Variants in INIP observed in about 807,000 individuals in gnomAD.
INIP encodes SOSS complex subunit C.
A neutral mutation model predicts 14.0 loss-of-function variants in INIP; 9 were observed. The ratio of observed to expected loss-of-function variants is 0.64; its 90% CI spans 0.39 to 1.12. INIP has a LOEUF of 1.12. Among genes scored for constraint, INIP ranks in the 50% most tolerant of loss-of-function variants. INIP has a pLI of 0.01. For missense variants in INIP, 78 were observed against 122.7 expected, an observed-to-expected ratio of 0.64 and a Z score of 1.72; for synonymous variants, 37 against 41.5, an observed-to-expected ratio of 0.89 and a Z score of 0.41.
Position 112,689,639 on chromosome 9 carries a change from C to T in INIP, c.129-22G>A, listed in dbSNP as rs369452598. 135 of 1,584,546 alleles carry T rather than the reference C, an allele frequency of 8.5e-5. No homozygotes were observed. The African/African-American group carries it at 1.7e-3, about 19-fold the overall frequency. ...AATGCTAAAATGGGAATCTTGGTTACTCAGCTGCTTAAGGCAGAAACATCC... is the reference window on the plus strand; with the variant it reads ...AATGCTAAAATGGGAATCTTGGTTATTCAGCTGCTTAAGGCAGAAACATCC... On this transcript the variant is annotated intron_variant, in intron 3 of 4. Coordinates refer to ENST00000374242, the MANE Select transcript of INIP (RefSeq NM_021218.3).
chr9:112,715,133 TACACACACACACACACACAC>T (rs58647648), intron 2 of INIP, among the ~76,000 whole-genome samples: 13 of 133,432 alleles, frequency 9.7e-5, no homozygotes, highest in Non-Finnish European at 1.3e-4. Context: ...CATACATACA[TACACACACACACACACACAC>T]ACACACACAC....
rs543867093 is a variant in INIP, at chr9:112,700,592, C to T, written c.26-6359G>A. ...TATAATATAAAGAATATTATATAAACATAACTACTACAATTTTTAGGCATT... is the reference window on the plus strand; with the variant it reads ...TATAATATAAAGAATATTATATAAATATAACTACTACAATTTTTAGGCATT... On this transcript the variant is annotated intron_variant, in intron 2 of 4. Transcript: ENST00000374242. Among the ~76,000 whole-genome samples the T allele has an allele frequency of 3.4e-3, 508 of 147,342 alleles. 2 individuals are homozygous for T. The highest frequency in any genetic ancestry group is 0.012 in the African/African-American group (468 of 40,432).
intron 2 of INIP, among the ~76,000 whole-genome samples, chr9:112,708,562 G>C (rs1006274602): frequency 1.3e-5 from 2 of 152,162 alleles, no homozygotes; most frequent in Non-Finnish European, 2.9e-5. Context: ...AGTTAAATAT[G>C]CATTAGTTTT....
At chr9:112,692,020 A>C (rs910768486) in intron 3 of INIP, among the ~76,000 whole-genome samples, 2 of 151,558 alleles carry the variant, frequency 1.3e-5, no homozygotes, top group Admixed American at 1.3e-4. Context: ...AAAAAGAAAA[A>C]AGAAAAAAAA....
At chr9:112,691,131 A>C (rs1415713857) in intron 3 of INIP, among the ~76,000 whole-genome samples, 1 of 152,234 alleles carries the variant, frequency 6.6e-6, no homozygotes, top group Non-Finnish European at 1.5e-5. Flanking sequence ...ACTCTGAAGC[A>C]GTTATAATAA....
chr9:112,697,051 A>G (rs562703371), intron 2 of INIP, among the ~76,000 whole-genome samples: 11 of 152,298 alleles, frequency 7.2e-5, no homozygotes, highest in African/African-American at 1.7e-4. Flanking sequence ...GGAGGTCAGT[A>G]GGTGGGACTG....
chr9:112,709,405 G>C (rs958999344), intron 2 of INIP, among the ~76,000 whole-genome samples: 7 of 151,976 alleles, frequency 4.6e-5, no homozygotes, highest in African/African-American at 2.4e-5. Context: ...TAAGGAACGT[G>C]GGACATGGAA....
At chr9:112,707,730 T>A (rs1216730515) in intron 2 of INIP, among the ~76,000 whole-genome samples, 2 of 152,174 alleles carry the variant, frequency 1.3e-5, no homozygotes, top group Non-Finnish European at 2.9e-5. Flanking sequence ...TACTACACTT[T>A]CATAACAATA....
Position 112,684,375 on chromosome 9 carries a change from T to G in INIP, c.*3163A>C, listed in dbSNP as rs1167217871. On this transcript the variant is annotated 3_prime_UTR_variant, in exon 5 of 5. Coordinates refer to ENST00000374242, the MANE Select transcript of INIP (RefSeq NM_021218.3). Reference sequence around the variant, plus strand: ...GCCTGGGCAACATAGCAAGATGCTGTCTCTACAAAAATTAAAAAAAAAAAA... The same window carrying G: ...GCCTGGGCAACATAGCAAGATGCTGGCTCTACAAAAATTAAAAAAAAAAAA... The G allele has an allele frequency of 1.3e-5, 2 of 150,872 alleles. No homozygotes were observed. The highest frequency in any genetic ancestry group is 2.9e-5 in the Non-Finnish European group (2 of 67,818). 9.3% of individuals were successfully genotyped at this position (150,872 alleles called of 1,614,324 possible).
rs1283788340 is a variant in INIP at position 112,684,785 on chromosome 9, G to A, written c.*2753C>T. 1 of 152,180 alleles carries A rather than the reference G, an allele frequency of 6.6e-6. No homozygotes were observed. Among genetic ancestry groups the A allele is most frequent in the Non-Finnish European group, 1.5e-5 (1 of 68,032 alleles). 9.4% of individuals were successfully genotyped at this position (152,180 alleles called of 1,614,324 possible). On this transcript the variant is annotated 3_prime_UTR_variant, in exon 5 of 5. Transcript: ENST00000374242. ...CTAGACAATTTCTGACATGGGCAGA[G>A]CATGTGCTTGTTCTCACCTTATGGA...
intron 4 of INIP, among the ~76,000 whole-genome samples, chr9:112,689,280 A>G (rs188372794): frequency 6.6e-6 from 1 of 152,358 alleles, no homozygotes; most frequent in African/African-American, 2.4e-5. Context: ...CTTGTGCACA[A>G]GCAATCCCTT....
At chr9:112,698,362 T>C (rs1014759048) in intron 2 of INIP, among the ~76,000 whole-genome samples, 4 of 151,250 alleles carry the variant, frequency 2.6e-5, no homozygotes, top group Non-Finnish European at 5.9e-5. Flanking sequence ...TGAAAGGCTC[T>C]TTCCAGCTCC....
At chr9:112,690,797 G>C (rs1837859516) in intron 3 of INIP, among the ~76,000 whole-genome samples, 1 of 152,160 alleles carries the variant, frequency 6.6e-6, no homozygotes, top group African/African-American at 2.4e-5. Flanking sequence ...CTTACAAATG[G>C]GACACACCAT....
rs1299993820 is a variant in INIP at position 112,685,004 on chromosome 9, T to TA, written c.*2533dup. 1 of 152,260 alleles carries TA rather than the reference T, an allele frequency of 6.6e-6. No homozygotes were observed. The highest frequency in any genetic ancestry group is 2.4e-5 in the African/African-American group (1 of 41,436). The allele number at this position is 152,260 out of a possible 1,614,324, so 9.4% of individuals were successfully genotyped here. On this transcript the variant is annotated 3_prime_UTR_variant, in exon 5 of 5. Coordinates refer to ENST00000374242, the MANE Select transcript of INIP (RefSeq NM_021218.3). ...AGCAGCTCTTCCTTCCCTTGTCAGG[T>TA]AAAAATCACATGAATACTTCTAAGC...
intron 2 of INIP, among the ~76,000 whole-genome samples, chr9:112,714,197 GGT>G (rs1208385759): frequency 4.6e-5 from 7 of 152,226 alleles, no homozygotes; most frequent in African/African-American, 1.7e-4. Flanking sequence ...CAGACAGTAT[GGT>G]CAATGAAAGA....
At chr9:112,689,856 G>A (rs1252035810) in intron 3 of INIP, among the ~76,000 whole-genome samples, 2 of 152,086 alleles carry the variant, frequency 1.3e-5, no homozygotes, top group African/African-American at 4.8e-5. Flanking sequence ...GAACATTTAA[G>A]ATCTCTTAGC....
chr9:112,717,822 G>A (rs2131324556), intron 1 of INIP, among the ~76,000 whole-genome samples, 165 bp downstream of exon 1: 1 of 152,296 alleles, frequency 6.6e-6, no homozygotes, highest in African/African-American at 2.4e-5. Flanking sequence ...AGAGCCGGCT[G>A]GGCCCGGGCT....
intron 3 of INIP, among the ~76,000 whole-genome samples, chr9:112,692,038 AAG>A (rs1202437370): frequency 3.3e-5 from 5 of 152,096 alleles, no homozygotes; most frequent in African/African-American, 7.2e-5. Context: ...AAAGAAAAGA[AAG>A]AAAGTGATCA....
intron 2 of INIP, among the ~76,000 whole-genome samples, chr9:112,716,232 C>T (rs1365810822): frequency 6.6e-6 from 1 of 152,070 alleles, no homozygotes; most frequent in African/African-American, 2.4e-5. Context: ...GCCACCATGC[C>T]CAGCTAATTT....
Sources: allele counts gnomAD v4.1 joint callset (sites outside exome capture counted in the v4.1 genomes callset), GRCh38; gene constraint gnomAD v4.1.1; transcripts MANE v1.5; gene names NCBI Gene and HGNC (gene_info 2026-07-23, HGNC 2026-07-21).